RAD51B: variants seen among roughly 807,000 people sequenced by gnomAD.
RAD51B encodes DNA repair protein RAD51 homolog 2.
RAD51B carries 38 observed loss-of-function variants against 42.2 expected under a neutral mutation model. The ratio of observed to expected loss-of-function variants is 0.90; its 90% CI spans 0.70 to 1.18. The LOEUF (loss-of-function observed/expected upper bound fraction) is 1.18, where lower values mean the gene tolerates loss of function less well. Ranked by LOEUF, RAD51B falls within the 50% of genes most tolerant of loss-of-function variation. The pLI, the probability that RAD51B is intolerant of heterozygous loss-of-function variation, is 0.00. For missense variants in RAD51B, 373 were observed against 400.7 expected, an observed-to-expected ratio of 0.93 and a Z score of 0.59; for synonymous variants, 154 against 145.2, an observed-to-expected ratio of 1.06 and a Z score of -0.43.
intron 4 of RAD51B, among the ~76,000 whole-genome samples, chr14:67,838,848 T>G (rs935531379): frequency 5.3e-5 from 8 of 152,118 alleles, no homozygotes; most frequent in African/African-American, 1.7e-4. Context: ...TAGATATCCT[T>G]GATCAGAAAT....
chr14:67,952,454 G>A (rs1295579566), intron 7 of RAD51B, among the ~76,000 whole-genome samples: 1 of 152,136 alleles, frequency 6.6e-6, no homozygotes, highest in African/African-American at 2.4e-5. Context: ...CATGAACAGA[G>A]CCAGTTTGCT....
At chr14:68,381,359 T>G (rs1458564639) in intron 8 of RAD51B, among the ~76,000 whole-genome samples, 3 of 152,164 alleles carry the variant, frequency 2.0e-5, no homozygotes, top group Non-Finnish European at 4.4e-5. Flanking sequence ...CTTAAACTGA[T>G]CATGGTGCAT....
At chr14:68,300,740 A>G (rs2081713261) in intron 8 of RAD51B, among the ~76,000 whole-genome samples, 2 of 152,132 alleles carry the variant, frequency 1.3e-5, no homozygotes, top group Admixed American at 6.5e-5. Context: ...ACTCTAAACT[A>G]TTATTATCTG....
intron 10 of RAD51B, among the ~76,000 whole-genome samples, chr14:68,607,227 G>A (rs1015219742): frequency 2.6e-5 from 4 of 152,298 alleles, no homozygotes; most frequent in Admixed American, 6.5e-5. Flanking sequence ...CAGTTCCAGG[G>A]AAGGCTGAGG....
chr14:68,058,151 G>C (rs899933978), intron 7 of RAD51B, among the ~76,000 whole-genome samples: 1 of 151,762 alleles, frequency 6.6e-6, no homozygotes, highest in African/African-American at 2.4e-5. Flanking sequence ...TATTTTATTA[G>C]CAAGGGCTTA....
intron 8 of RAD51B, among the ~76,000 whole-genome samples, chr14:68,374,988 A>G (rs1302887102): frequency 1.3e-5 from 2 of 151,520 alleles, no homozygotes; most frequent in East Asian, 3.9e-4. Context: ...AATCACACCC[A>G]TTAGCTCACC....
intron 7 of RAD51B, among the ~76,000 whole-genome samples, chr14:68,285,221 C>T (rs2081391183): frequency 6.6e-6 from 1 of 152,182 alleles, no homozygotes; most frequent in African/African-American, 2.4e-5. Context: ...AAAAGCAAGG[C>T]ATTCAGTAAC....
At chr14:68,024,584 A>G (rs1406194251) in intron 7 of RAD51B, among the ~76,000 whole-genome samples, 3 of 151,658 alleles carry the variant, frequency 2.0e-5, no homozygotes, top group Non-Finnish European at 2.9e-5. Context: ...TAGGTATTTT[A>G]TTTACTTTGT....
At chr14:68,450,347 T>A (rs1041368546) in intron 9 of RAD51B, among the ~76,000 whole-genome samples, 2 of 151,328 alleles carry the variant, frequency 1.3e-5, no homozygotes, top group Non-Finnish European at 2.9e-5. Flanking sequence ...GCGTCTCGAG[T>A]AGCTGGGAAT....
chr14:68,561,818 C>T (rs1216009987), intron 10 of RAD51B, among the ~76,000 whole-genome samples: 1 of 152,180 alleles, frequency 6.6e-6, no homozygotes, highest in African/African-American at 2.4e-5. Flanking sequence ...AACATACCGG[C>T]TTTAGAGTCA....
chr14:68,244,554 T>C (rs911356026), intron 7 of RAD51B, among the ~76,000 whole-genome samples: 12 of 152,216 alleles, frequency 7.9e-5, no homozygotes, highest in African/African-American at 2.4e-4. Flanking sequence ...TGGAGGCTTT[T>C]TGAAGCCATT....
intron 10 of RAD51B, among the ~76,000 whole-genome samples, chr14:68,572,663 C>T (rs1264855519): frequency 6.6e-6 from 1 of 152,148 alleles, no homozygotes; most frequent in African/African-American, 2.4e-5. Flanking sequence ...ACTATCCACT[C>T]ATCCCTGGCC....
At chr14:67,941,439 T>TG (rs2045204217) in intron 7 of RAD51B, among the ~76,000 whole-genome samples, 1 of 152,206 alleles carries the variant, frequency 6.6e-6, no homozygotes, top group Non-Finnish European at 1.5e-5. Flanking sequence ...TTTTGCTTTT[T>TG]GGCTTAGGGG....
chr14:68,455,960 C>T (rs2140199404), intron 9 of RAD51B, among the ~76,000 whole-genome samples: 1 of 152,228 alleles, frequency 6.6e-6, no homozygotes, highest in African/African-American at 2.4e-5. Context: ...TATATTGATG[C>T]ACATTTTTTG....
chr14:68,560,873 G>A (rs916508779), intron 10 of RAD51B, among the ~76,000 whole-genome samples: 8 of 152,138 alleles, frequency 5.3e-5, no homozygotes, highest in Non-Finnish European at 1.0e-4. Flanking sequence ...TTCGCTTCTG[G>A]AAGCCCTAGG....
intron 10 of RAD51B, among the ~76,000 whole-genome samples, chr14:68,555,532 GAT>G (rs1183460534): frequency 6.6e-6 from 1 of 152,154 alleles, no homozygotes; most frequent in Admixed American, 6.5e-5. Flanking sequence ...GACCCAGGTG[GAT>G]CACAGTCTCC....
intron 10 of RAD51B, among the ~76,000 whole-genome samples, chr14:68,484,993 G>C (rs954173069): frequency 4.6e-5 from 7 of 152,128 alleles, no homozygotes; most frequent in Admixed American, 3.9e-4. Context: ...TGATTAGCTC[G>C]GACTTATCTT....
intron 3 of RAD51B, among the ~76,000 whole-genome samples, chr14:67,834,639 C>A (rs909143250): frequency 1.3e-5 from 2 of 152,096 alleles, no homozygotes; most frequent in African/African-American, 4.8e-5. Context: ...TCCTCTCTTG[C>A]TTCTTGACCT....
chr14:68,373,722 A>G (rs1016863150), intron 8 of RAD51B, among the ~76,000 whole-genome samples: 1 of 152,216 alleles, frequency 6.6e-6, no homozygotes, highest in African/African-American at 2.4e-5. Flanking sequence ...CCACCATGGC[A>G]CAAGTATACC....
Sources: allele counts gnomAD v4.1 joint callset (sites outside exome capture counted in the v4.1 genomes callset), GRCh38; gene constraint gnomAD v4.1.1; transcripts MANE v1.5; gene names NCBI Gene and HGNC (gene_info 2026-07-23, HGNC 2026-07-21).